Variants in EFL1 observed in about 807,000 individuals in gnomAD.
EFL1 encodes the protein elongation factor-like GTPase 1.
A neutral mutation model predicts 126.7 loss-of-function variants in EFL1; 76 were observed. The ratio of observed to expected loss-of-function variants is 0.60; its 90% CI spans 0.50 to 0.73. EFL1 has a LOEUF of 0.73. Ranked by LOEUF, EFL1 falls within the 30% of genes least tolerant of loss-of-function variation. The probability of loss-of-function intolerance (pLI) is 0.00; values close to 1 mark genes in which losing one functional copy is unlikely to be tolerated. For synonymous variants in EFL1, 410 were observed against 448.4 expected (o/e 0.91, Z 1.08); for missense variants, 1,128 against 1,343.2 (o/e 0.84, Z 2.50).
chr15:82,208,961 AAT>A (rs1195006287), intron 15 of EFL1, among the ~76,000 whole-genome samples: 1 of 152,108 alleles, frequency 6.6e-6, no homozygotes, highest in Non-Finnish European at 1.5e-5. Flanking sequence ...GCAATATGAA[AAT>A]AAAAAGAAAT....
At chr15:82,156,171 T>A (rs2073965092) in intron 17 of EFL1, among the ~76,000 whole-genome samples, 2 of 152,230 alleles carry the variant, frequency 1.3e-5, no homozygotes, top group African/African-American at 4.8e-5. Flanking sequence ...TGGTTTTGCC[T>A]TTTACATTTT....
Position 82,152,185 on chromosome 15 carries a change from G to T in EFL1, c.2269C>A (p.Pro757Thr). 6.2e-7 allele frequency: 1 copy of T among 1,614,120 alleles called. No individual in the cohort carries two copies. Among genetic ancestry groups the T allele is most frequent in the Non-Finnish European group, 8.5e-7 (1 of 1,180,028 alleles). ...ATCTGGGTGACTTCTTCTGGAAGGG[G>T]CATGGCTCGAACACTGAGCGTGGCA... ...KLATLSVRAMPLPEEVTQILE... is the reference protein window; with the variant it reads ...KLATLSVRAMTLPEEVTQILE... Residue 757 changes from proline (P) to threonine (T), a missense_variant, in exon 18 of 20, where the codon CCC becomes ACC. Physicochemically the swap from Pro to Thr is conservative, Grantham distance 38. This residue lies in a region of EFL1 where 561 missense variants were observed against 641.7 expected (regional missense o/e 0.87). Coordinates refer to ENST00000268206, the MANE Select transcript of EFL1 (RefSeq NM_024580.6).
intron 15 of EFL1, among the ~76,000 whole-genome samples, chr15:82,167,010 G>A (rs1036398068): frequency 2.6e-5 from 4 of 152,084 alleles, no homozygotes; most frequent in African/African-American, 9.7e-5. Context: ...TGATAGCACG[G>A]GGGAATAAAA....
intron 15 of EFL1, among the ~76,000 whole-genome samples, chr15:82,179,200 G>C (rs1179234158): frequency 6.6e-6 from 1 of 152,236 alleles, no homozygotes; most frequent in Non-Finnish European, 1.5e-5. Flanking sequence ...TTAGGTAGCA[G>C]AAGAGGTGGC....
At chr15:82,249,377 T>A (rs2075001221) in intron 4 of EFL1, among the ~76,000 whole-genome samples, 1 of 151,786 alleles carries the variant, frequency 6.6e-6, no homozygotes, top group Non-Finnish European at 1.5e-5. Flanking sequence ...CATATAAACT[T>A]GTAAATTTAT....
intron 15 of EFL1, among the ~76,000 whole-genome samples, chr15:82,172,112 G>C (rs1252667627): frequency 6.6e-6 from 1 of 151,450 alleles, no homozygotes; most frequent in African/African-American, 2.4e-5. Context: ...TTGATAATAA[G>C]GTAAATGCAA....
At chr15:82,223,022 G>A (rs2074727619) in intron 12 of EFL1, among the ~76,000 whole-genome samples, 1 of 152,194 alleles carries the variant, frequency 6.6e-6, no homozygotes, top group African/African-American at 2.4e-5. Context: ...GTTGAGCAGT[G>A]AGTAAAGGTC....
rs541891141 is a variant in EFL1, at chr15:82,262,667, G to T, written c.-73C>A. 5.6e-6 allele frequency: 3 copies of T among 535,736 alleles called. No individual in the cohort carries two copies. In the Admixed American group the frequency reaches 1.1e-4, roughly 19 times the overall value. 33.2% of individuals were successfully genotyped at this position (535,736 alleles called of 1,614,324 possible). On this transcript the variant is annotated 5_prime_UTR_variant, in exon 1 of 20. Coordinates refer to ENST00000268206, the MANE Select transcript of EFL1 (RefSeq NM_024580.6). ...CCTTCTCTCGGGTCGCACCCACACC[G>T]AGAGCTTCCGAAAGTCCGAGAGCTC...
intron 15 of EFL1, among the ~76,000 whole-genome samples, chr15:82,201,071 C>T (rs2651706): frequency 1.3e-5 from 2 of 152,116 alleles, no homozygotes; most frequent in Non-Finnish European, 2.9e-5. Context: ...AAACGGGGTC[C>T]CACTATGTTG....
At chr15:82,211,547 T>TACAC (rs1214996508) in intron 15 of EFL1, among the ~76,000 whole-genome samples, 6,840 of 69,808 alleles carry the variant, frequency 0.098, 561 homozygotes, top group African/African-American at 0.25. Flanking sequence ...AAAAAATCTA[T>TACAC]ATACACACAC....
intron 4 of EFL1, among the ~76,000 whole-genome samples, chr15:82,249,410 TTAGA>T (rs1419055194): frequency 6.6e-6 from 1 of 151,996 alleles, no homozygotes; most frequent in Non-Finnish European, 1.5e-5. Flanking sequence ...AAAAGATGAA[TTAGA>T]TAAAAACTTC....
At chr15:82,173,918 G>T (rs1435480342) in intron 15 of EFL1, among the ~76,000 whole-genome samples, 1 of 152,004 alleles carries the variant, frequency 6.6e-6, no homozygotes, top group African/African-American at 2.4e-5. Flanking sequence ...GGCCAGGCGC[G>T]GTGGCTCACA....
chr15:82,204,472 A>T (rs1262383523), intron 15 of EFL1, among the ~76,000 whole-genome samples: 3 of 152,172 alleles, frequency 2.0e-5, no homozygotes, highest in Non-Finnish European at 4.4e-5. Flanking sequence ...GGCGTAAGAG[A>T]GTATATTTCC....
At chr15:82,236,851 C>T (rs1324982082) in intron 7 of EFL1, among the ~76,000 whole-genome samples, 3 of 152,162 alleles carry the variant, frequency 2.0e-5, no homozygotes, top group East Asian at 1.9e-4. Context: ...AAAAACTTTG[C>T]GGACTTTGAT....
intron 15 of EFL1, among the ~76,000 whole-genome samples, chr15:82,197,382 C>T (rs1263269902): frequency 6.6e-6 from 1 of 152,154 alleles, no homozygotes; most frequent in Non-Finnish European, 1.5e-5. Context: ...ACAACTTTTA[C>T]TTCAATTCTA....
chr15:82,252,321 G>T (rs2075029906), intron 4 of EFL1, among the ~76,000 whole-genome samples: 2 of 152,204 alleles, frequency 1.3e-5, no homozygotes, highest in South Asian at 4.1e-4. Context: ...CAGCAAGCTG[G>T]TACTGATCAC....
intron 7 of EFL1, 129 bp from the exon 8 acceptor site, chr15:82,231,100 T>C (rs2074817976): frequency 8.9e-7 from 1 of 1,120,870 alleles, no homozygotes; most frequent in Non-Finnish European, 1.2e-6. Context: ...TTCCTCATTT[T>C]ACAGAAAAGG....
chr15:82,244,198 T>C (rs1001857813), intron 4 of EFL1, among the ~76,000 whole-genome samples: 4 of 152,078 alleles, frequency 2.6e-5, no homozygotes, highest in African/African-American at 7.3e-5. Flanking sequence ...AAGTCCCATA[T>C]CCATTAGAGA....
chr15:82,169,835 T>C (rs145856184), intron 15 of EFL1, among the ~76,000 whole-genome samples: 1 of 152,326 alleles, frequency 6.6e-6, no homozygotes, highest in East Asian at 1.9e-4. Context: ...AATAGGCACT[T>C]CATAGATTCC....
Sources: allele counts gnomAD v4.1 joint callset (sites outside exome capture counted in the v4.1 genomes callset), GRCh38; gene constraint gnomAD v4.1.1; regional missense constraint gnomAD v4.1.1; transcripts MANE v1.5; gene names NCBI Gene and HGNC (gene_info 2026-07-23, HGNC 2026-07-21).